The following PKP1 variants were observed in gnomAD, a reference collection of about 807,000 sequenced individuals.
The protein encoded by PKP1 is plakophilin 1.
A neutral mutation model predicts 76.4 loss-of-function variants in PKP1; 27 were observed. The observed-to-expected ratio is 0.35, with a 90% CI of 0.26 to 0.49. The LOEUF is 0.49. Ranked by LOEUF, PKP1 falls within the 20% of genes least tolerant of loss-of-function variation. The pLI, the probability that PKP1 is intolerant of heterozygous loss-of-function variation, is 0.99. For missense variants in PKP1, 964 were observed against 955.2 expected, an observed-to-expected ratio of 1.01 and a Z score of -0.12; for synonymous variants, 404 against 384.2, an observed-to-expected ratio of 1.05 and a Z score of -0.60.
At chr1:201,311,280 A>T (rs1279890051) in intron 2 of PKP1, among the ~76,000 whole-genome samples, 1 of 152,198 alleles carries the variant, frequency 6.6e-6, no homozygotes, top group Non-Finnish European at 1.5e-5. Flanking sequence ...CCATACCCAG[A>T]TGCTCAGAAA....
chr1:201,297,136 A>G (rs190980177), intron 2 of PKP1, among the ~76,000 whole-genome samples: 5 of 152,330 alleles, frequency 3.3e-5, no homozygotes, highest in Admixed American at 2.6e-4. Context: ...TCACATCACA[A>G]ATTGAATGTA....
chr1:201,292,283 G>C (rs1480137330), intron 1 of PKP1, among the ~76,000 whole-genome samples: 1 of 152,174 alleles, frequency 6.6e-6, no homozygotes, highest in Non-Finnish European at 1.5e-5. Context: ...GAACTGTACG[G>C]GGCCTATGGG....
At chr1:201,319,967 AGAACTGAGTGCAAAT>A in intron 6 of PKP1, 2 of 1,408,324 alleles carry the variant, frequency 1.4e-6, no homozygotes, top group Non-Finnish European at 2.0e-6. Flanking sequence ...AAGGAGGAGA[AGAACTGAGTGCAAAT>A]GAGACCTCAT....
intron 2 of PKP1, among the ~76,000 whole-genome samples, chr1:201,310,630 G>A (rs1656520374): frequency 1.3e-5 from 2 of 152,196 alleles, no homozygotes; most frequent in South Asian, 2.1e-4. Context: ...GGGAGGACGG[G>A]GTCTGAGAGG....
chr1:201,286,223 G>T (rs745396197), intron 1 of PKP1, among the ~76,000 whole-genome samples: 4 of 152,160 alleles, frequency 2.6e-5, no homozygotes, highest in Admixed American at 6.5e-5. Context: ...CCATGCCCCA[G>T]GCGTTTTCCC....
intron 2 of PKP1, among the ~76,000 whole-genome samples, chr1:201,308,196 C>G (rs1000787109): frequency 6.7e-5 from 10 of 148,700 alleles, no homozygotes; most frequent in Non-Finnish European, 1.5e-4. Context: ...ATGCCGTGCA[C>G]CGGCACAGGC....
In PKP1 at chr1:201,313,413, G is replaced by A. The variant is rs769672961; in HGVS notation, c.554G>A (p.Ser185Asn). The change falls in exon 3 of 14, where the codon AGC becomes AAC. Residue 185 changes from serine (S) to asparagine (N), a missense_variant. Coordinates refer to ENST00000367324, the MANE Select transcript of PKP1 (RefSeq NM_001005337.3). ...CAGAAGACCACCCAGAACCGCTACA[G>A]CTTTTACAGCACCTGCAGTGGTCAG... is the stretch of plus-strand genomic sequence containing the variant. ...KGQKTTQNRY[S>N]FYSTCSGQKA... 1.3e-6 allele frequency: 2 copies of A among 1,592,178 alleles called. No individual in the cohort carries two copies.
chr1:201,297,029 G>A (rs1044132982), intron 2 of PKP1, among the ~76,000 whole-genome samples: 2 of 152,098 alleles, frequency 1.3e-5, no homozygotes, highest in African/African-American at 4.8e-5. Flanking sequence ...TATTTAAAAA[G>A]CAATGGTCGT....
intron 2 of PKP1, among the ~76,000 whole-genome samples, chr1:201,312,874 C>T (rs577695158): frequency 2.4e-4 from 36 of 152,356 alleles, no homozygotes; most frequent in African/African-American, 7.2e-4. Context: ...TGTGACTTTA[C>T]TACCTGCACT....
At chr1:201,309,723 G>C (rs1275031602) in intron 2 of PKP1, among the ~76,000 whole-genome samples, 1 of 152,232 alleles carries the variant, frequency 6.6e-6, no homozygotes, top group African/African-American at 2.4e-5. Flanking sequence ...TCTGGCTGCA[G>C]CTGCTCTCTC....
At chr1:201,308,965 C>G (rs745419654) in intron 2 of PKP1, among the ~76,000 whole-genome samples, 1 of 151,964 alleles carries the variant, frequency 6.6e-6, no homozygotes, top group African/African-American at 2.4e-5. Flanking sequence ...AGAGGGGAGT[C>G]AGTAAGGACT....
intron 1 of PKP1, among the ~76,000 whole-genome samples, chr1:201,291,953 G>A (rs748607167): frequency 2.6e-5 from 4 of 152,192 alleles, no homozygotes; most frequent in Non-Finnish European, 4.4e-5. Context: ...CCAGAGGAGC[G>A]GTTGCTGGAG....
chr1:201,318,484 C>T, intron 5 of PKP1, 134 bp from the exon 6 acceptor site: 1 of 746,256 alleles, frequency 1.3e-6, no homozygotes, highest in South Asian at 1.6e-5. Flanking sequence ...ACAATAGGTT[C>T]TACAGACCAG....
At chr1:201,302,791 GGAAGGGGAT>G (rs1433449032) in intron 2 of PKP1, among the ~76,000 whole-genome samples, 1 of 152,252 alleles carries the variant, frequency 6.6e-6, no homozygotes. Flanking sequence ...GGCGAGGCCT[GGAAGGGGAT>G]GAAGACAGGC....
intron 9 of PKP1, 112 bp from the exon 10 acceptor site, chr1:201,324,316 T>C: frequency 8.9e-7 from 1 of 1,121,742 alleles, no homozygotes; most frequent in Non-Finnish European, 1.3e-6. Flanking sequence ...GCTTCCAATA[T>C]GAAAGAGAAA....
At chr1:201,306,258 G>A (rs546692275) in intron 2 of PKP1, among the ~76,000 whole-genome samples, 2 of 152,396 alleles carry the variant, frequency 1.3e-5, no homozygotes, top group South Asian at 4.1e-4. Context: ...AGGAAGTGGA[G>A]ACAGAGCTGA....
intron 6 of PKP1, chr1:201,319,990 C>T (rs1397013928): frequency 1.7e-6 from 2 of 1,195,714 alleles, no homozygotes; most frequent in Admixed American, 3.4e-5. Flanking sequence ...AATGAGACCT[C>T]ATTTCAGCCT....
chr1:201,291,205 G>A (rs548184623), intron 1 of PKP1, among the ~76,000 whole-genome samples: 10 of 152,140 alleles, frequency 6.6e-5, no homozygotes, highest in Non-Finnish European at 1.3e-4. Context: ...GTGCAGGCAG[G>A]TGTGATGTTA....
chr1:201,305,781 T>C (rs961508227), intron 2 of PKP1, among the ~76,000 whole-genome samples: 1 of 152,174 alleles, frequency 6.6e-6, no homozygotes, highest in Non-Finnish European at 1.5e-5. Context: ...TCAAGGGTGC[T>C]CTTCTGAGGT....
Sources: gnomAD v4.1 joint callset for allele counts (sites outside exome capture counted in the v4.1 genomes callset) on GRCh38, gnomAD v4.1.1 for gene constraint, MANE v1.5 for transcripts, NCBI Gene and HGNC (gene_info 2026-07-23, HGNC 2026-07-21) for gene names.